Variants in PARD3 observed in about 807,000 individuals in gnomAD.
The protein encoded by PARD3 is par-3 family cell polarity regulator, also known as partitioning defective 3 homolog.
Under a neutral mutation model 155.4 loss-of-function variants are expected in PARD3, and 75 were observed. That is an observed-to-expected ratio of 0.48 (90% CI 0.40 to 0.58). The LOEUF (loss-of-function observed/expected upper bound fraction) is 0.58, where lower values mean the gene tolerates loss of function less well. PARD3 is among the 20% of genes least tolerant of loss of function. PARD3 has a pLI of 0.00. For missense variants in PARD3, 1,642 were observed against 1,721.7 expected (o/e 0.95, Z 0.82); for synonymous variants, 576 against 610.5 (o/e 0.94, Z 0.83).
chr10:34,525,209 G>C (rs1196106226), intron 2 of PARD3, among the ~76,000 whole-genome samples: 4 of 152,190 alleles, frequency 2.6e-5, no homozygotes, highest in African/African-American at 9.7e-5. Context: ...TCTTAAGCTT[G>C]CCACTGGAAA....
At chr10:34,578,045 T>C (rs1248382004) in intron 2 of PARD3, among the ~76,000 whole-genome samples, 1 of 137,348 alleles carries the variant, frequency 7.3e-6, no homozygotes, top group African/African-American at 2.6e-5. Context: ...TTGTTTTCTG[T>C]TGCTCTTTTT....
intron 15 of PARD3, chr10:34,346,046 G>A (rs956375398): frequency 4.1e-6 from 4 of 985,006 alleles, no homozygotes; most frequent in Middle Eastern, 5.2e-4. Flanking sequence ...AAATAGTAAC[G>A]CATTTGTCAC....
intron 2 of PARD3, among the ~76,000 whole-genome samples, chr10:34,628,476 T>A (rs368251284): frequency 4.5e-4 from 68 of 152,340 alleles, no homozygotes; most frequent in Middle Eastern, 3.4e-3. Flanking sequence ...AGGCAATATA[T>A]CCTCTGTCCC....
intron 2 of PARD3, among the ~76,000 whole-genome samples, chr10:34,522,674 C>T (rs2082222129): frequency 6.6e-6 from 1 of 152,166 alleles, no homozygotes; most frequent in Admixed American, 6.5e-5. Context: ...GGAAAGAAGA[C>T]AGCATGCTAG....
chr10:34,665,108 A>T (rs559409135), intron 2 of PARD3, among the ~76,000 whole-genome samples: 3 of 152,282 alleles, frequency 2.0e-5, no homozygotes, highest in South Asian at 4.2e-4. Flanking sequence ...AAATAAAAAA[A>T]ATCTGCCTAA....
Position 34,565,645 on chromosome 10 carries a change from A to G in PARD3, c.223-48486T>C, listed in dbSNP as rs193239845. On this transcript the variant is annotated intron_variant, in intron 2 of 24. Coordinates refer to ENST00000374788, the MANE Select transcript of PARD3 (RefSeq NM_001184785.2). ...CCTGGTTCTTAAAATCCTCGTTTTT[A>G]AGAAGTGATTTTGATGCACAGTGTG... Among the ~76,000 whole-genome samples the G allele has an allele frequency of 7.2e-5, 11 of 152,224 alleles. No homozygotes were observed. In the East Asian group the frequency reaches 2.1e-3, roughly 29 times the overall value.
At chr10:34,784,168 G>A (rs1040746605) in intron 1 of PARD3, among the ~76,000 whole-genome samples, 3 of 151,982 alleles carry the variant, frequency 2.0e-5, no homozygotes, top group Middle Eastern at 3.2e-3. Flanking sequence ...CTGTGACCAC[G>A]CCACTGTACT....
At chr10:34,249,198 G>T (rs1331229748) in intron 22 of PARD3, among the ~76,000 whole-genome samples, 2 of 151,938 alleles carry the variant, frequency 1.3e-5, no homozygotes, top group Admixed American at 6.6e-5. Context: ...ATTTTTAACA[G>T]TAGACATCTC....
intron 20 of PARD3, among the ~76,000 whole-genome samples, chr10:34,303,354 T>C (rs533231924): frequency 3.9e-5 from 6 of 152,190 alleles, no homozygotes; most frequent in African/African-American, 1.2e-4. Flanking sequence ...ATCTAAACTT[T>C]ACTTTCTCAA....
At chr10:34,576,700 G>C (rs2086914891) in intron 2 of PARD3, among the ~76,000 whole-genome samples, 2 of 152,090 alleles carry the variant, frequency 1.3e-5, no homozygotes, top group African/African-American at 2.4e-5. Flanking sequence ...AATCACTACA[G>C]AAACAGTCTC....
chr10:34,335,268 C>T (rs1391627504), intron 18 of PARD3, among the ~76,000 whole-genome samples: 1 of 151,864 alleles, frequency 6.6e-6, no homozygotes, highest in Non-Finnish European at 1.5e-5. Flanking sequence ...ATAACTCCAA[C>T]CATGTTTACA....
In PARD3 at chr10:34,732,184, A is replaced by G. The variant is rs561193893; in HGVS notation, c.121-35765T>C. Reference sequence around the variant, plus strand: ...TTATTGAAAGGTAAGAAAAAAAAAGAAACGCAATCTTCTGAAAACATTAAA... The same window carrying G: ...TTATTGAAAGGTAAGAAAAAAAAAGGAACGCAATCTTCTGAAAACATTAAA... On this transcript the variant is annotated intron_variant, in intron 1 of 24. Transcript: ENST00000374788. 5.9e-5 allele frequency among the ~76,000 whole-genome samples: 9 copies of G among 152,310 alleles called. No homozygotes were observed. The East Asian group carries it at 1.2e-3, about 20-fold the overall frequency.
At chr10:34,261,259 T>C (rs1432342154) in intron 22 of PARD3, among the ~76,000 whole-genome samples, 2 of 152,034 alleles carry the variant, frequency 1.3e-5, no homozygotes, top group Admixed American at 1.3e-4. Flanking sequence ...ACAAATTGCA[T>C]GGTGTCTTCA....
chr10:34,397,508 T>G (rs1843451524), intron 7 of PARD3, among the ~76,000 whole-genome samples: 1 of 152,248 alleles, frequency 6.6e-6, no homozygotes, highest in Non-Finnish European at 1.5e-5. Flanking sequence ...AACTTCTAGT[T>G]CTGCAAAGAC....
intron 1 of PARD3, among the ~76,000 whole-genome samples, chr10:34,714,801 G>A (rs1344894830): frequency 1.3e-5 from 2 of 149,108 alleles, no homozygotes. Flanking sequence ...TGGAGATGGA[G>A]TCTCACTCTG....
intron 2 of PARD3, among the ~76,000 whole-genome samples, chr10:34,656,890 A>G (rs2133106836): frequency 6.6e-6 from 1 of 152,322 alleles, no homozygotes; most frequent in South Asian, 2.1e-4. Flanking sequence ...AAAAATTGCA[A>G]AAGCATCAAG....
intron 24 of PARD3, among the ~76,000 whole-genome samples, chr10:34,117,710 G>A (rs541046987): frequency 1.8e-4 from 28 of 152,224 alleles, no homozygotes; most frequent in African/African-American, 6.3e-4. Context: ...CCAGGGGTTC[G>A]AAACCAGCCT....
intron 22 of PARD3, among the ~76,000 whole-genome samples, chr10:34,246,332 A>G (rs1953948458): frequency 6.6e-6 from 1 of 152,238 alleles, no homozygotes; most frequent in African/African-American, 2.4e-5. Flanking sequence ...CAAAAATAGG[A>G]AACAACTATT....
chr10:34,155,102 T>A (rs1948944716), intron 22 of PARD3, among the ~76,000 whole-genome samples: 1 of 152,186 alleles, frequency 6.6e-6, no homozygotes, highest in Non-Finnish European at 1.5e-5. Context: ...GCCAGATGCA[T>A]TTCCATAGGT....
Sources: allele counts gnomAD v4.1 joint callset (sites outside exome capture counted in the v4.1 genomes callset), GRCh38; gene constraint gnomAD v4.1.1; transcripts MANE v1.5; gene names NCBI Gene and HGNC (gene_info 2026-07-23, HGNC 2026-07-21).